Variants in ALDH18A1 observed in about 807,000 individuals in gnomAD.
ALDH18A1 encodes aldehyde dehydrogenase 18 family member A1, also known as delta-1-pyrroline-5-carboxylate synthase.
Under a neutral mutation model 88.8 loss-of-function variants are expected in ALDH18A1, and 44 were observed. That is an observed-to-expected ratio of 0.50 (90% CI 0.39 to 0.64). The LOEUF (loss-of-function observed/expected upper bound fraction) is 0.64, where lower values mean the gene tolerates loss of function less well. ALDH18A1 is among the 30% of genes least tolerant of loss of function. The pLI, the probability that ALDH18A1 is intolerant of heterozygous loss-of-function variation, is 0.00. For missense variants in ALDH18A1, 782 were observed against 1,009.5 expected, an observed-to-expected ratio of 0.77 and a Z score of 3.05; for synonymous variants, 331 against 372.1, an observed-to-expected ratio of 0.89 and a Z score of 1.27.
chr10:95,641,846 G>C (rs548460716), intron 3 of ALDH18A1, among the ~76,000 whole-genome samples: 3 of 151,862 alleles, frequency 2.0e-5, no homozygotes, highest in East Asian at 3.9e-4. Flanking sequence ...CTCACTATGT[G>C]GCTTAGGCTG....
intron 5 of ALDH18A1, among the ~76,000 whole-genome samples, chr10:95,636,839 C>A (rs1163509544): frequency 2.6e-5 from 4 of 152,190 alleles, no homozygotes; most frequent in Non-Finnish European, 5.9e-5. Flanking sequence ...TATTATGTAC[C>A]AAACACTATA....
At position 95,606,826 on chromosome 10, in the gene ALDH18A1, G is replaced by A. The variant is rs2097823595; in HGVS notation, c.2324C>T (p.Ser775Leu). 6.2e-7 allele frequency: 1 copy of A among 1,614,074 alleles called. No individual in the cohort carries two copies. Among genetic ancestry groups the A allele is most frequent in the Admixed American group, 1.7e-5 (1 of 60,010 alleles). Reference protein sequence around the residue: ...RGKDHVVSDFSEHGSLKYLHE... With the variant: ...RGKDHVVSDFLEHGSLKYLHE... ...AAGATATTTTAAACTTCCATGCTCT[G>A]AGAAATCTGAGACCACGTGGTCCTT... is the stretch of plus-strand genomic sequence containing the variant. Residue 775 changes from serine (S) to leucine (L), a missense_variant, in exon 18 of 18, where the codon TCA (serine) becomes TTA (leucine). Ser to Leu is a moderately radical substitution (Grantham distance 145, BLOSUM62 -2). Coordinates refer to ENST00000371224, the MANE Select transcript of ALDH18A1 (RefSeq NM_002860.4).
chr10:95,623,498 C>T (rs2097856098), intron 11 of ALDH18A1, among the ~76,000 whole-genome samples: 1 of 152,072 alleles, frequency 6.6e-6, no homozygotes, highest in South Asian at 2.1e-4. Context: ...ACCTCTGCCT[C>T]CTAGGTTCAA....
chr10:95,613,846 C>T lies in ALDH18A1; in HGVS notation c.1819G>A (p.Glu607Lys). Reference sequence around the variant, plus strand: ...AAAGCATTACAGGCAGCTGGATATTCACATTTAGAGTCTCTGACTGAAAGA... The same window carrying T: ...AAAGCATTACAGGCAGCTGGATATTTACATTTAGAGTCTCTGACTGAAAGA... ...VTRLVRDSKCEYPAACNALET... is the reference protein window; with the variant it reads ...VTRLVRDSKCKYPAACNALET... Residue 607 changes from glutamate (E) to lysine (K), a missense_variant, in exon 15 of 18, where the codon GAA becomes AAA. By Grantham distance (56) the Glu-to-Lys change is moderately conservative. Around this residue, in one of 3 missense-constraint regions of ALDH18A1, gnomAD observed 556 missense variants for 654.5 expected, o/e 0.85. Transcript: ENST00000371224. 1 of 1,614,152 alleles carries T rather than the reference C, an allele frequency of 6.2e-7. No homozygotes were observed. Among genetic ancestry groups the T allele is most frequent in the Non-Finnish European group, 8.5e-7 (1 of 1,180,010 alleles).
Position 95,637,165 on chromosome 10 carries a change from T to C in ALDH18A1, c.486A>G (p.Ala162=), listed in dbSNP as rs2097882257. The change falls in exon 5 of 18, where the codon GCA becomes GCG. Residue 162 remains alanine, a synonymous_variant. Transcript: ENST00000371224. ...AIPVLEARAC[A]AAGQSGLMAL... ...CCATCAGCCCACTCTGTCCGGCAGC[T>C]GCACAGGCTCGTGCCTCTAAGACTG... 6.2e-7 allele frequency: 1 copy of C among 1,614,234 alleles called. No individual in the cohort carries two copies. The highest frequency in any genetic ancestry group is 2.2e-5 in the East Asian group (1 of 44,884).
intron 17 of ALDH18A1, among the ~76,000 whole-genome samples, chr10:95,609,692 T>C (rs957486742): frequency 2.6e-5 from 4 of 151,978 alleles, no homozygotes; most frequent in African/African-American, 7.2e-5. Context: ...GCTTAGAAGA[T>C]AGGCCTTCCA....
Position 95,606,765 on chromosome 10 carries a change from G to T in ALDH18A1, c.2385C>A (p.Asn795Lys). The change falls in exon 18 of 18, where the codon AAC becomes AAA. Residue 795 changes from asparagine to lysine, a missense_variant. Physicochemically the swap from Asn to Lys is moderately conservative, Grantham distance 94. Coordinates refer to ENST00000371224, the MANE Select transcript of ALDH18A1 (RefSeq NM_002860.4). ...ENLPIPQRNTN is the reference protein window; with the variant it reads ...ENLPIPQRNTK The stretch of plus-strand genomic sequence containing the variant: ...TCCCGGGTTTTCCTGGCTCTTTTCA[G>T]TTGGTGTTTCTCTGAGGAATAGGGA... The T allele has an allele frequency of 6.2e-7, 1 of 1,614,170 alleles. No homozygotes were observed. Among genetic ancestry groups the T allele is most frequent in the Non-Finnish European group, 8.5e-7 (1 of 1,180,000 alleles).
intron 2 of ALDH18A1, among the ~76,000 whole-genome samples, chr10:95,645,195 TG>T (rs1319296240): frequency 6.6e-6 from 1 of 152,076 alleles, no homozygotes; most frequent in Non-Finnish European, 1.5e-5. Flanking sequence ...CAAGACAAGG[TG>T]GGTAACATAG....
chr10:95,614,036 C>T lies in ALDH18A1; in HGVS notation c.1731G>A (p.Met577Ile). ...TGTGACAGATCCCTTCGCTGTGCCC[C>T]ATCACTGGAATCCCCTTAGCAGCTT... ...IQKAAKGIPV[M>I]GHSEGICHMY... The change falls in exon 14 of 18, where the codon ATG becomes ATA. Residue 577 changes from methionine (M) to isoleucine (I), a missense_variant. By Grantham distance (10) the Met-to-Ile change is conservative (BLOSUM62 1). Around this residue, in one of 3 missense-constraint regions of ALDH18A1, gnomAD observed 556 missense variants for 654.5 expected, o/e 0.85. Coordinates refer to ENST00000371224, the MANE Select transcript of ALDH18A1 (RefSeq NM_002860.4). The T allele has an allele frequency of 6.2e-7, 1 of 1,614,232 alleles. No homozygotes were observed. The highest frequency in any genetic ancestry group is 8.5e-7 in the Non-Finnish European group (1 of 1,180,046).
At chr10:95,644,267 C>T (rs2097897209) in intron 2 of ALDH18A1, among the ~76,000 whole-genome samples, 1 of 152,190 alleles carries the variant, frequency 6.6e-6, no homozygotes, top group Non-Finnish European at 1.5e-5. Flanking sequence ...ATCCAGATGC[C>T]TGTAACAATG....
At chr10:95,621,907 T>C (rs1248082400) in intron 11 of ALDH18A1, among the ~76,000 whole-genome samples, 1 of 152,198 alleles carries the variant, frequency 6.6e-6, no homozygotes, top group African/African-American at 2.4e-5. Context: ...TCAGTTATTA[T>C]AAATAATATA....
At chr10:95,636,008 G>C (rs1160409768) in intron 5 of ALDH18A1, among the ~76,000 whole-genome samples, 2 of 152,162 alleles carry the variant, frequency 1.3e-5, no homozygotes, top group Non-Finnish European at 2.9e-5. Context: ...CAGAAAAAAA[G>C]CTAAGACTAC....
Position 95,606,995 on chromosome 10 carries a change from G to A in ALDH18A1, c.2207-52C>T, listed in dbSNP as rs144542561. The A allele has an allele frequency of 5.4e-5, 86 of 1,587,428 alleles. 1 individual carries two copies. In the African/African-American group the frequency reaches 8.9e-4, roughly 16 times the overall value. Reference sequence around the variant, plus strand: ...TAGCTTTTCCCAGCCTCTGCTTCCTGTCCATGCCCCAGACCCACCCTGCTG... The same window carrying A: ...TAGCTTTTCCCAGCCTCTGCTTCCTATCCATGCCCCAGACCCACCCTGCTG... On this transcript the variant is annotated intron_variant, in intron 17 of 17. Transcript: ENST00000371224.
intron 11 of ALDH18A1, among the ~76,000 whole-genome samples, chr10:95,624,305 G>C (rs905623953): frequency 7.9e-6 from 1 of 127,246 alleles, no homozygotes; most frequent in African/African-American, 2.6e-5. Flanking sequence ...ACAACAAGCT[G>C]TGGAACCTTG....
At chr10:95,641,134 G>A (rs559656424) in intron 3 of ALDH18A1, among the ~76,000 whole-genome samples, 3 of 152,150 alleles carry the variant, frequency 2.0e-5, no homozygotes, top group East Asian at 3.9e-4. Context: ...TTAGTAGCAT[G>A]GAACTTTTCC....
rs368901029 is a variant in ALDH18A1 at position 95,652,902 on chromosome 10, C to A, written c.88+388G>T. Among the ~76,000 whole-genome samples the A allele has an allele frequency of 3.3e-5, 5 of 150,836 alleles. No individual in the cohort carries two copies. In the East Asian group the frequency reaches 7.9e-4, roughly 24 times the overall value. Reference sequence around the variant, plus strand: ...TCTCTCTCTCTTTTAAACCTTTTTTCTTGGCTGGGCACGATGGCTCACGCC... The same window carrying A: ...TCTCTCTCTCTTTTAAACCTTTTTTATTGGCTGGGCACGATGGCTCACGCC... On this transcript the variant is annotated intron_variant, in intron 2 of 17. Coordinates refer to ENST00000371224, the MANE Select transcript of ALDH18A1 (RefSeq NM_002860.4).
At chr10:95,618,268 C>T (rs143691676) in intron 12 of ALDH18A1, among the ~76,000 whole-genome samples, 4 of 152,258 alleles carry the variant, frequency 2.6e-5, no homozygotes, top group East Asian at 1.9e-4. Flanking sequence ...AGAACTTTAA[C>T]GCATGCTTTC....
intron 1 of ALDH18A1, among the ~76,000 whole-genome samples, chr10:95,655,708 G>GTGTGTA (rs2097917005): frequency 7.0e-6 from 1 of 142,046 alleles, no homozygotes; most frequent in African/African-American, 2.6e-5. Flanking sequence ...GTGTGTGTGT[G>GTGTGTA]TATCTAGACT....
At chr10:95,615,467 T>C (rs2097842586) in intron 13 of ALDH18A1, among the ~76,000 whole-genome samples, 1 of 152,170 alleles carries the variant, frequency 6.6e-6, no homozygotes. Context: ...CTGTTCTGTA[T>C]CTTGATACGG....
Sources: allele counts gnomAD v4.1 joint callset (sites outside exome capture counted in the v4.1 genomes callset), GRCh38; gene constraint gnomAD v4.1.1; regional missense constraint gnomAD v4.1.1; transcripts MANE v1.5; gene names NCBI Gene and HGNC (gene_info 2026-07-23, HGNC 2026-07-21).